The following MARK3 variants were observed in gnomAD, a reference collection of about 807,000 sequenced individuals.
The protein encoded by MARK3 is microtubule affinity regulating kinase 3, also known as MAP/microtubule affinity-regulating kinase 3.
Under a neutral mutation model 90.1 loss-of-function variants are expected in MARK3, and 46 were observed. That is an observed-to-expected ratio of 0.51 (90% CI 0.40 to 0.65). The LOEUF (loss-of-function observed/expected upper bound fraction) is 0.65. MARK3 is among the 30% of genes least tolerant of loss of function. MARK3 has a pLI of 0.00. For missense variants in MARK3, 818 were observed against 947.2 expected, an observed-to-expected ratio of 0.86 and a Z score of 1.79; for synonymous variants, 321 against 332.6, an observed-to-expected ratio of 0.97 and a Z score of 0.38.
At chr14:103,473,575 T>A (rs993536202) in intron 12 of MARK3, among the ~76,000 whole-genome samples, 1 of 152,216 alleles carries the variant, frequency 6.6e-6, no homozygotes, top group Non-Finnish European at 1.5e-5. Context: ...GTTTTATATG[T>A]TAAAATCACT....
At chr14:103,430,263 TG>T (rs1228667912) in intron 3 of MARK3, among the ~76,000 whole-genome samples, 2 of 152,222 alleles carry the variant, frequency 1.3e-5, no homozygotes, top group Non-Finnish European at 2.9e-5. Context: ...TATAGGCCAT[TG>T]TTTAAAATTG....
At chr14:103,477,870 A>G (rs941111284) in intron 13 of MARK3, among the ~76,000 whole-genome samples, 2 of 152,068 alleles carry the variant, frequency 1.3e-5, no homozygotes, top group African/African-American at 4.8e-5. Context: ...GCACACCTGT[A>G]GTACCAGCTA....
In MARK3 at chr14:103,389,528, C is replaced by CAAAAAAAAAAAAAAA. The variant is rs67737305; in HGVS notation, c.51+3454_51+3468dup. On this transcript the variant is annotated intron_variant, in intron 1 of 17. Transcript: ENST00000429436. Reference sequence around the variant, plus strand: ...GAGTGACAGAGTAAGACTCTGTCTCCAAAAAAAAAAAAAAAAAAAAGCAGA... The same window carrying CAAAAAAAAAAAAAAA: ...GAGTGACAGAGTAAGACTCTGTCTCCAAAAAAAAAAAAAAAAAAAAAAAAAAAAAAAAAAAGCAGA... Among the ~76,000 whole-genome samples the CAAAAAAAAAAAAAAA allele has an allele frequency of 4.0e-4, 20 of 49,846 alleles. 2 individuals carry two copies. The highest frequency in any genetic ancestry group is 8.3e-4 in the African/African-American group (10 of 11,992). The allele number at this position is 49,846 out of a possible 152,430, so 32.7% of individuals were successfully genotyped here.
At chr14:103,463,760 T>G (rs2141540618) in intron 7 of MARK3, among the ~76,000 whole-genome samples, 1 of 152,316 alleles carries the variant, frequency 6.6e-6, no homozygotes, top group South Asian at 2.1e-4. Flanking sequence ...AATGGTCTTT[T>G]AAGGAAACAC....
intron 3 of MARK3, among the ~76,000 whole-genome samples, chr14:103,439,159 A>G (rs1346662088): frequency 6.6e-6 from 1 of 152,156 alleles, no homozygotes; most frequent in Non-Finnish European, 1.5e-5. Context: ...TAGCATATAA[A>G]TATGTATATG....
chr14:103,467,168 T>C lies in MARK3; in HGVS notation c.1087T>C (p.Leu363=). ...CGATGAAATCACAGCTACATATTTG[T>C]TATTGGGGAGAAAATCTTCAGAGGT... is the stretch of plus-strand genomic sequence containing the variant. The part of the protein sequence containing the change: ...KYDEITATYL[L]LGRKSSELDA... Residue 363 remains leucine (L), a synonymous_variant, in exon 11 of 18, where the codon TTA becomes CTA. Transcript: ENST00000429436. 6.3e-7 allele frequency: 1 copy of C among 1,589,236 alleles called. No individual in the cohort carries two copies. Among genetic ancestry groups the C allele is most frequent in the East Asian group, 2.2e-5 (1 of 44,656 alleles).
chr14:103,436,261 C>G (rs1285141136), intron 3 of MARK3, among the ~76,000 whole-genome samples: 1 of 152,306 alleles, frequency 6.6e-6, no homozygotes. Flanking sequence ...CTGCCACTGC[C>G]ACTGCTGAAT....
intron 5 of MARK3, 25 bp downstream of exon 5, chr14:103,452,008 G>T (rs767249738): frequency 7.9e-6 from 12 of 1,528,604 alleles, no homozygotes; most frequent in Non-Finnish European, 9.9e-6. Flanking sequence ...ATATATATTG[G>T]GTTTTTTTTC....
intron 12 of MARK3, among the ~76,000 whole-genome samples, chr14:103,471,197 C>T (rs915361869): frequency 1.3e-5 from 2 of 152,174 alleles, no homozygotes; most frequent in African/African-American, 4.8e-5. Flanking sequence ...TCCCTCAATC[C>T]TAGAAGAAAC....
At chr14:103,409,435 TAAAAAAAAAAAAAAAAAA>T (rs61200962) in intron 2 of MARK3, among the ~76,000 whole-genome samples, 5 of 93,422 alleles carry the variant, frequency 5.4e-5, no homozygotes, top group South Asian at 3.7e-4. Flanking sequence ...GAACTTAAAG[TAAAAAAAAAAAAAAAAAA>T]AAAAAAAAAA....
At position 103,386,324 on chromosome 14, in the gene MARK3, G is replaced by A. The variant is rs1237457682; in HGVS notation, c.51+244G>A. 3 of 696,904 alleles carry A rather than the reference G, an allele frequency of 4.3e-6. No homozygotes were observed. In the East Asian group the frequency reaches 8.1e-5, roughly 19 times the overall value. 43.2% of individuals were successfully genotyped at this position (696,904 alleles called of 1,614,324 possible). ...CAGTCTAGTCGGTTAATAAAGCCCA[G>A]GAGTTGCAGCGTTACGGATCGGTGC... is the stretch of plus-strand genomic sequence containing the variant. On this transcript the variant is annotated intron_variant, in intron 1 of 17. Coordinates refer to ENST00000429436, the MANE Select transcript of MARK3 (RefSeq NM_001128918.3).
At chr14:103,429,286 A>G (rs1300490506) in intron 3 of MARK3, 1 of 152,276 alleles carries the variant, frequency 6.6e-6, no homozygotes, top group Non-Finnish European at 1.5e-5. Flanking sequence ...TTAGCCGAAT[A>G]TCTGACCTTG....
chr14:103,452,558 G>A lies in MARK3; in HGVS notation c.412+575G>A, dbSNP rs930626518. Among the ~76,000 whole-genome samples, 15 of 141,402 alleles carry A rather than the reference G, an allele frequency of 1.1e-4. No individual in the cohort carries two copies. The East Asian group carries it at 2.5e-3, about 24-fold the overall frequency. 92.8% of individuals were successfully genotyped at this position (141,402 alleles called of 152,430 possible). On this transcript the variant is annotated intron_variant, in intron 5 of 17. Transcript: ENST00000429436. ...GCGATCTCGGCTCACTGCAAGCTCC[G>A]CCTCCCGGGTTCACGCCATTCTCCT... is the stretch of plus-strand genomic sequence containing the variant.
chr14:103,469,784 C>T (rs746795770), intron 12 of MARK3, among the ~76,000 whole-genome samples: 2 of 151,788 alleles, frequency 1.3e-5, no homozygotes, highest in South Asian at 2.1e-4. Flanking sequence ...TTTTCCTGGC[C>T]GGACATGGTG....
intron 1 of MARK3, among the ~76,000 whole-genome samples, chr14:103,388,526 G>A (rs1473089209): frequency 1.3e-5 from 2 of 152,200 alleles, no homozygotes; most frequent in Non-Finnish European, 2.9e-5. Flanking sequence ...TTTTCTTAAA[G>A]TTAGGTTTGT....
At chr14:103,391,772 G>C (rs2090269594) in intron 1 of MARK3, among the ~76,000 whole-genome samples, 2 of 128,802 alleles carry the variant, frequency 1.6e-5, no homozygotes, top group East Asian at 4.6e-4. Flanking sequence ...TGGCCAGGCT[G>C]TTCTCAAACT....
chr14:103,386,219 C>G (rs1595389667), intron 1 of MARK3, 139 bp downstream of exon 1: 1 of 825,282 alleles, frequency 1.2e-6, no homozygotes, highest in Non-Finnish European at 2.1e-6. Context: ...AGGAGGCAGC[C>G]AGGTCGGACC....
At chr14:103,412,860 T>G (rs1024311053) in intron 2 of MARK3, 7 of 319,452 alleles carry the variant, frequency 2.2e-5, no homozygotes, top group East Asian at 2.0e-4. Context: ...TGCCAAGTCT[T>G]TCTTTCTTTT....
intron 2 of MARK3, chr14:103,412,827 G>A (rs2091731309): frequency 8.5e-6 from 3 of 351,098 alleles, no homozygotes; most frequent in South Asian, 2.5e-5. Flanking sequence ...TAATAGTTTG[G>A]GAGGAAATTG....
Sources: gnomAD v4.1 joint callset for allele counts (sites outside exome capture counted in the v4.1 genomes callset) on GRCh38, gnomAD v4.1.1 for gene constraint, MANE v1.5 for transcripts, NCBI Gene and HGNC (gene_info 2026-07-23, HGNC 2026-07-21) for gene names.